Variants in IL1RAPL2 observed in about 807,000 individuals in gnomAD.
IL1RAPL2 encodes interleukin 1 receptor accessory protein like 2.
In IL1RAPL2, 3 loss-of-function variants were observed where a neutral mutation model predicts 44.1. The ratio of observed to expected loss-of-function variants is 0.07; its 90% CI spans 0.03 to 0.18. The LOEUF (loss-of-function observed/expected upper bound fraction) is 0.18. Among genes scored for constraint, IL1RAPL2 ranks in the 10% least tolerant of loss-of-function variants. IL1RAPL2 has a pLI of 1.00. For missense variants in IL1RAPL2, 391 were observed against 496.4 expected, an observed-to-expected ratio of 0.79 and a Z score of 2.02; for synonymous variants, 181 against 178.8, an observed-to-expected ratio of 1.01 and a Z score of -0.10.
At chrX:104,692,966 G>A (rs1038351631) in intron 2 of IL1RAPL2, among the ~76,000 whole-genome samples, 4 of 111,440 alleles carry the variant, frequency 3.6e-5, no homozygotes, top group African/African-American at 1.3e-4. Flanking sequence ...CACCAACAGT[G>A]TAAAAGTGTT....
intron 2 of IL1RAPL2, among the ~76,000 whole-genome samples, chrX:105,066,976 G>T (rs1470197576): frequency 3.6e-5 from 4 of 111,430 alleles, no homozygotes; most frequent in African/African-American, 1.3e-4. Context: ...TGGGCAGATT[G>T]GTTGGAACTG....
intron 6 of IL1RAPL2, among the ~76,000 whole-genome samples, chrX:105,506,175 C>A (rs1418720511): frequency 9.0e-6 from 1 of 111,371 alleles, no homozygotes; most frequent in Non-Finnish European, 1.9e-5. Context: ...GAGTAAAGAA[C>A]ACTTACTAAA....
Position 105,346,034 on chromosome X carries a change from G to A in IL1RAPL2, c.697+78493G>A, listed in dbSNP as rs186090818. On this transcript the variant is annotated intron_variant, in intron 5 of 10. Coordinates refer to ENST00000372582, the MANE Select transcript of IL1RAPL2 (RefSeq NM_017416.2). ...ACCTAATATCTGCGACATCACTCAA[G>A]CCTACTCTAAGCTTTTCTTAAACTG... is the stretch of plus-strand genomic sequence containing the variant. Among the ~76,000 whole-genome samples, 529 of 111,298 alleles carry A rather than the reference G, an allele frequency of 4.8e-3. 5 individuals carry two copies. Among genetic ancestry groups the A allele is most frequent in the African/African-American group, 0.016 (501 of 30,608 alleles).
At chrX:104,944,924 C>T (rs1415066989) in intron 2 of IL1RAPL2, among the ~76,000 whole-genome samples, 1 of 111,673 alleles carries the variant, frequency 9.0e-6, no homozygotes, top group Non-Finnish European at 1.9e-5. Context: ...GTCAGTGTCA[C>T]TGATCCTTAT....
intron 2 of IL1RAPL2, among the ~76,000 whole-genome samples, chrX:104,799,661 C>T (rs1026090870): frequency 1.8e-5 from 2 of 111,986 alleles, no homozygotes; most frequent in African/African-American, 6.5e-5. Context: ...ATCACCTAAA[C>T]ATGTATATCT....
intron 5 of IL1RAPL2, among the ~76,000 whole-genome samples, chrX:105,350,769 A>G (rs758849253): frequency 8.9e-6 from 1 of 112,344 alleles, no homozygotes; most frequent in East Asian, 2.8e-4. Context: ...GCCAAAATTG[A>G]CAAATGGGAT....
chrX:105,655,305 A>G (rs2037670055), intron 6 of IL1RAPL2, among the ~76,000 whole-genome samples: 1 of 112,612 alleles, frequency 8.9e-6, no homozygotes, highest in Admixed American at 9.4e-5. Context: ...GGGGCACCCC[A>G]TCTCTCCCAC....
chrX:105,755,790 T>A (rs2038633218), intron 10 of IL1RAPL2, among the ~76,000 whole-genome samples: 1 of 111,750 alleles, frequency 8.9e-6, no homozygotes, highest in African/African-American at 3.3e-5. Context: ...ATTTCCAGAT[T>A]TATGGAAAAA....
chrX:105,267,984 G>A (rs1035373735), intron 5 of IL1RAPL2, among the ~76,000 whole-genome samples: 4 of 111,832 alleles, frequency 3.6e-5, no homozygotes, highest in Non-Finnish European at 5.6e-5. Context: ...CTCCATAAGT[G>A]AGTGATGTTA....
intron 6 of IL1RAPL2, among the ~76,000 whole-genome samples, chrX:105,685,846 C>T (rs1037364325): frequency 1.8e-5 from 2 of 111,835 alleles, no homozygotes; most frequent in African/African-American, 3.3e-5. Flanking sequence ...AGACTAACAG[C>T]GAATCTCTCA....
chrX:105,288,906 A>G (rs1043894202), intron 5 of IL1RAPL2, among the ~76,000 whole-genome samples: 2 of 111,095 alleles, frequency 1.8e-5, no homozygotes, highest in African/African-American at 6.5e-5. Context: ...TGATCTTATC[A>G]TGCTTGTTTT....
intron 6 of IL1RAPL2, among the ~76,000 whole-genome samples, chrX:105,653,268 A>T (rs1165254806): frequency 9.0e-6 from 1 of 111,528 alleles, no homozygotes; most frequent in Middle Eastern, 4.3e-3. Flanking sequence ...TTCTGCACAT[A>T]AAAATGCATG....
Position 104,566,534 on chromosome X carries a change from AG to A in IL1RAPL2, c.-531del. 1 of 113,893 alleles carries A rather than the reference AG, an allele frequency of 8.8e-6. No homozygotes were observed. The allele number at this position is 113,893 out of a possible 1,213,427, so 9.4% of individuals were successfully genotyped here. A position where few individuals can be genotyped will look rare whatever the true frequency, so the allele number is the denominator to read the frequency against. On this transcript the variant is annotated 5_prime_UTR_variant, in exon 1 of 11. Transcript: ENST00000372582. ...GCTCCTGGAGTGTGCCTACCTCGCA[AG>A]GGGGGCGAGGGCCACAGGCTGAGGC...
chrX:105,061,160 T>TA (rs1459421378), intron 2 of IL1RAPL2, among the ~76,000 whole-genome samples: 3 of 111,659 alleles, frequency 2.7e-5, no homozygotes, highest in African/African-American at 9.7e-5. Context: ...TTCAACTTTT[T>TA]AATGCAGGAA....
chrX:104,636,984 C>T (rs1205847870), intron 1 of IL1RAPL2, among the ~76,000 whole-genome samples: 1 of 111,384 alleles, frequency 9.0e-6, no homozygotes. Context: ...CATCTTGGCT[C>T]CACCCATCTC....
At chrX:105,408,869 T>C (rs1225881982) in intron 5 of IL1RAPL2, among the ~76,000 whole-genome samples, 3 of 34,204 alleles carry the variant, frequency 8.8e-5, no homozygotes, top group African/African-American at 2.9e-4. Context: ...ATAAATGATA[T>C]AAAGTGTTGA....
intron 2 of IL1RAPL2, among the ~76,000 whole-genome samples, chrX:104,756,080 T>C (rs1043600070): frequency 9.0e-6 from 1 of 110,797 alleles, no homozygotes; most frequent in Non-Finnish European, 1.9e-5. Context: ...GCTTGTGTGA[T>C]TTTTTTTGGT....
intron 2 of IL1RAPL2, among the ~76,000 whole-genome samples, chrX:104,780,358 G>T (rs2147602093): frequency 8.9e-6 from 1 of 112,188 alleles, no homozygotes; most frequent in East Asian, 2.8e-4. Flanking sequence ...ACAGGACACA[G>T]ATCAAGCTAG....
At chrX:105,694,403 T>C (rs767001179) in intron 6 of IL1RAPL2, among the ~76,000 whole-genome samples, 1 of 111,945 alleles carries the variant, frequency 8.9e-6, no homozygotes, top group Non-Finnish European at 1.9e-5. Flanking sequence ...CAAAATTTGA[T>C]GATTAATTGA....
Sources: allele counts gnomAD v4.1 joint callset (sites outside exome capture counted in the v4.1 genomes callset), GRCh38; gene constraint gnomAD v4.1.1; transcripts MANE v1.5; gene names NCBI Gene and HGNC (gene_info 2026-07-23, HGNC 2026-07-21).